SEMA5A: variants seen among roughly 807,000 people sequenced by gnomAD.
SEMA5A encodes semaphorin 5A, also known as semaphorin-5A.
SEMA5A carries 55 observed loss-of-function variants against 135.5 expected under a neutral mutation model. That is an observed-to-expected ratio of 0.41 (90% confidence interval 0.33 to 0.51). The LOEUF (loss-of-function observed/expected upper bound fraction) is 0.51, where lower values mean the gene tolerates loss of function less well. Among genes scored for constraint, SEMA5A ranks in the 20% least tolerant of loss-of-function variants. The pLI, the probability that SEMA5A is intolerant of heterozygous loss-of-function variation, is 0.37. For missense variants in SEMA5A, 1,290 were observed against 1,419.9 expected, an observed-to-expected ratio of 0.91 and a Z score of 1.47; for synonymous variants, 580 against 546.5, an observed-to-expected ratio of 1.06 and a Z score of -0.85.
intron 5 of SEMA5A, among the ~76,000 whole-genome samples, chr5:9,301,230 T>C (rs1404937152): frequency 6.6e-6 from 1 of 152,182 alleles, no homozygotes; most frequent in Non-Finnish European, 1.5e-5. Context: ...CACTTGGTAT[T>C]TGTATCACAG....
chr5:9,381,942 TTGTGTGTGTGTGTG>T (rs148157627), intron 2 of SEMA5A, among the ~76,000 whole-genome samples: 6 of 109,378 alleles, frequency 5.5e-5, no homozygotes, highest in African/African-American at 2.1e-4. Flanking sequence ...TAGAATCATT[TTGTGTGTGTGTGTG>T]TGTGTGTGTG....
intron 18 of SEMA5A, 30 bp downstream of exon 18, chr5:9,062,857 G>T: frequency 6.2e-7 from 1 of 1,610,746 alleles, no homozygotes; most frequent in African/African-American, 1.3e-5. Context: ...TGAGTTTTCA[G>T]ATGTTTTGTA....
At chr5:9,427,275 C>T (rs1045341090) in intron 2 of SEMA5A, among the ~76,000 whole-genome samples, 25 of 151,746 alleles carry the variant, frequency 1.6e-4, no homozygotes, top group Non-Finnish European at 3.1e-4. Flanking sequence ...CCCGCCACTG[C>T]TCTCCAGCCT....
At chr5:9,285,873 T>C (rs1750769966) in intron 5 of SEMA5A, among the ~76,000 whole-genome samples, 1 of 152,232 alleles carries the variant, frequency 6.6e-6, no homozygotes, top group South Asian at 2.1e-4. Flanking sequence ...TTATTGTCTA[T>C]TTCAAAATAC....
chr5:9,345,784 T>C (rs1753838195), intron 3 of SEMA5A, among the ~76,000 whole-genome samples: 1 of 152,210 alleles, frequency 6.6e-6, no homozygotes, highest in Admixed American at 6.5e-5. Flanking sequence ...TGTATCTAGA[T>C]ATATTGTATA....
chr5:9,050,253 A>G (rs1736491702), intron 21 of SEMA5A, among the ~76,000 whole-genome samples, 157 bp downstream of exon 21: 1 of 152,190 alleles, frequency 6.6e-6, no homozygotes, highest in South Asian at 2.1e-4. Context: ...ATTGACTATT[A>G]AGCCTTTATG....
At chr5:9,194,721 C>G (rs1283631248) in intron 10 of SEMA5A, among the ~76,000 whole-genome samples, 1 of 152,194 alleles carries the variant, frequency 6.6e-6, no homozygotes. Flanking sequence ...CAGAGAAGAA[C>G]AGCTCAGGAA....
chr5:9,237,957 G>A, intron 5 of SEMA5A, 67 bp from the exon 6 acceptor site: 1 of 1,462,882 alleles, frequency 6.8e-7, no homozygotes, highest in Non-Finnish European at 9.6e-7. Context: ...TATAAACAAG[G>A]TAACAAGGCA....
chr5:9,102,030 T>G (rs977011608), intron 16 of SEMA5A, among the ~76,000 whole-genome samples: 4 of 152,174 alleles, frequency 2.6e-5, no homozygotes, highest in Admixed American at 2.6e-4. Flanking sequence ...AAACTTTTCA[T>G]ATATCTCTTC....
chr5:9,322,626 A>G (rs1361306882), intron 4 of SEMA5A, among the ~76,000 whole-genome samples: 2 of 152,216 alleles, frequency 1.3e-5, no homozygotes, highest in Non-Finnish European at 2.9e-5. Context: ...GAGTCACTAA[A>G]GAGTATATAC....
chr5:9,535,257 C>T (rs1035027789), intron 1 of SEMA5A, among the ~76,000 whole-genome samples: 1 of 152,352 alleles, frequency 6.6e-6, no homozygotes, highest in East Asian at 1.9e-4. Context: ...GCGATTCTTA[C>T]TTGCCAGCTT....
chr5:9,180,456 G>T (rs910247819), intron 11 of SEMA5A, among the ~76,000 whole-genome samples: 3 of 152,026 alleles, frequency 2.0e-5, no homozygotes, highest in African/African-American at 7.3e-5. Context: ...GTCCAGACTT[G>T]GTTTGGATTT....
At position 9,379,840 on chromosome 5, in the gene SEMA5A, G is replaced by A. The variant is rs897293815; in HGVS notation, c.107C>T (p.Pro36Leu). The A allele has an allele frequency of 2.5e-6, 4 of 1,613,916 alleles. No homozygotes were observed. Among genetic ancestry groups the A allele is most frequent in the Non-Finnish European group, 3.4e-6 (4 of 1,179,962 alleles). The change falls in exon 3 of 23, where the codon CCA becomes CTA. Residue 36 changes from proline (P) to leucine (L), a missense_variant. Physicochemically the swap from Pro to Leu is moderately conservative, Grantham distance 98. This residue lies in a region of SEMA5A where 116 missense variants were observed against 121.3 expected (regional missense o/e 0.96). Coordinates refer to ENST00000382496, the MANE Select transcript of SEMA5A (RefSeq NM_003966.3). ...GTTQCQRTEH[P>L]VISYKEIGPW... ...TTCCTTACCTTTATAGGAGATGACT[G>A]GATGCTCGGTTCTCTGGCACTGAGT...
At chr5:9,271,991 C>T (rs1749999599) in intron 5 of SEMA5A, among the ~76,000 whole-genome samples, 1 of 152,118 alleles carries the variant, frequency 6.6e-6, no homozygotes, top group South Asian at 2.1e-4. Flanking sequence ...ACCCCAGTGG[C>T]ACCTGGAGCA....
intron 5 of SEMA5A, among the ~76,000 whole-genome samples, chr5:9,317,582 G>A (rs1752446483): frequency 1.3e-5 from 2 of 152,156 alleles, no homozygotes; most frequent in Non-Finnish European, 2.9e-5. Flanking sequence ...CAGCATTAAA[G>A]AGAGAATAAA....
intron 13 of SEMA5A, among the ~76,000 whole-genome samples, chr5:9,134,460 A>C (rs1478288626): frequency 6.6e-6 from 1 of 152,112 alleles, no homozygotes; most frequent in Non-Finnish European, 1.5e-5. Flanking sequence ...CTCTCCATTT[A>C]ATGACTAAAG....
At chr5:9,106,532 G>A (rs999075021) in intron 16 of SEMA5A, among the ~76,000 whole-genome samples, 12 of 152,162 alleles carry the variant, frequency 7.9e-5, no homozygotes, top group Non-Finnish European at 1.3e-4. Context: ...TTAGAAACTA[G>A]GGTGTGAGAT....
At chr5:9,425,912 T>A (rs532935591) in intron 2 of SEMA5A, among the ~76,000 whole-genome samples, 19 of 152,312 alleles carry the variant, frequency 1.2e-4, no homozygotes, top group Admixed American at 1.2e-3. Context: ...GCAGGAGGCC[T>A]CAGCATGACC....
intron 13 of SEMA5A, among the ~76,000 whole-genome samples, chr5:9,134,718 C>T (rs1046303058): frequency 2.6e-5 from 4 of 152,162 alleles, no homozygotes; most frequent in African/African-American, 9.7e-5. Flanking sequence ...AGAAACACAG[C>T]TATTATCTTG....
Sources: gnomAD v4.1 joint callset for allele counts (sites outside exome capture counted in the v4.1 genomes callset) on GRCh38, gnomAD v4.1.1 for gene constraint, gnomAD v4.1.1 regional missense constraint, MANE v1.5 for transcripts, NCBI Gene and HGNC (gene_info 2026-07-23, HGNC 2026-07-21) for gene names.